The following HDAC4 variants were observed in gnomAD, a reference collection of about 807,000 sequenced individuals.
HDAC4 encodes histone deacetylase A.
HDAC4 carries 16 observed loss-of-function variants against 135.1 expected under a neutral mutation model. That is an observed-to-expected ratio of 0.12 (90% confidence interval 0.08 to 0.18). The LOEUF (loss-of-function observed/expected upper bound fraction) is 0.18. Ranked by LOEUF, HDAC4 falls within the 10% of genes least tolerant of loss-of-function variation. The pLI is 1.00. For missense variants in HDAC4, 1,143 were observed against 1,511.8 expected (o/e 0.76, Z 4.05); for synonymous variants, 685 against 653.4 (o/e 1.05, Z -0.74).
intron 1 of HDAC4, among the ~76,000 whole-genome samples, chr2:239,387,886 G>A (rs1184343646): frequency 2.0e-5 from 3 of 152,200 alleles, no homozygotes; most frequent in African/African-American, 4.8e-5. Flanking sequence ...TAAGGGGAGT[G>A]GAAGGCGTGG....
At chr2:239,269,091 G>T (rs2049906870) in intron 2 of HDAC4, among the ~76,000 whole-genome samples, 1 of 152,084 alleles carries the variant, frequency 6.6e-6, no homozygotes, top group African/African-American at 2.4e-5. Flanking sequence ...ACCAGCAGAT[G>T]GAAGCCATCC....
chr2:239,117,227 G>A (rs567310028), intron 12 of HDAC4, among the ~76,000 whole-genome samples: 2 of 152,224 alleles, frequency 1.3e-5, no homozygotes, highest in African/African-American at 4.8e-5. Context: ...GAGACGAGGT[G>A]GGGCTGTGGG....
chr2:239,130,168 A>C (rs1408269198), intron 11 of HDAC4, among the ~76,000 whole-genome samples: 2 of 152,176 alleles, frequency 1.3e-5, no homozygotes, highest in Non-Finnish European at 2.9e-5. Flanking sequence ...CGCCCAAGGG[A>C]ACAATGTGGG....
chr2:239,286,070 C>T (rs1322316240), intron 2 of HDAC4, among the ~76,000 whole-genome samples: 12 of 152,138 alleles, frequency 7.9e-5, no homozygotes, highest in Non-Finnish European at 1.5e-4. Context: ...AGAAATGGTA[C>T]GATTACTGTT....
intron 12 of HDAC4, among the ~76,000 whole-genome samples, chr2:239,120,288 G>A (rs759188279): frequency 8.5e-5 from 13 of 152,102 alleles, no homozygotes; most frequent in Non-Finnish European, 1.5e-4. Context: ...ACAGGGATGA[G>A]GCCTCAGGGA....
rs1341477763 is a variant in HDAC4, at chr2:239,289,666, G to A, written c.23-53002C>T. 8.5e-5 allele frequency among the ~76,000 whole-genome samples: 13 copies of A among 152,296 alleles called. No individual in the cohort carries two copies. In the East Asian group the frequency reaches 1.5e-3, roughly 18 times the overall value. On this transcript the variant is annotated intron_variant, in intron 2 of 26. Coordinates refer to ENST00000543185, the MANE Select transcript of HDAC4 (RefSeq NM_001378414.1). ...GCCCCTCAGCCACTGTGTTGGGCAC[G>A]CAGGGCCCCTCCCAGCCACCTGGCT...
intron 2 of HDAC4, among the ~76,000 whole-genome samples, chr2:239,330,854 A>G (rs1313004121): frequency 6.6e-6 from 1 of 152,218 alleles, no homozygotes; most frequent in Non-Finnish European, 1.5e-5. Flanking sequence ...TAAACGTGGT[A>G]TTTGTAACCC....
chr2:239,131,925 A>C (rs181324749), intron 11 of HDAC4, among the ~76,000 whole-genome samples: 81 of 152,206 alleles, frequency 5.3e-4, no homozygotes, highest in African/African-American at 1.8e-3. Flanking sequence ...CTTCAAGGAG[A>C]GTCCGGTGGA....
intron 2 of HDAC4, among the ~76,000 whole-genome samples, chr2:239,284,433 C>T (rs570198242): frequency 2.6e-5 from 4 of 152,246 alleles, no homozygotes; most frequent in South Asian, 4.2e-4. Flanking sequence ...CGCGGGGCCT[C>T]GGGGAGCATC....
At chr2:239,176,302 TG>T in intron 5 of HDAC4, 110 bp downstream of exon 5, 1 of 1,116,208 alleles carries the variant, frequency 9.0e-7, no homozygotes. Flanking sequence ...TCCCTCCCTC[TG>T]CCCGGCCTTC....
intron 2 of HDAC4, among the ~76,000 whole-genome samples, chr2:239,274,332 A>C (rs1423704874): frequency 6.6e-6 from 1 of 152,152 alleles, no homozygotes; most frequent in African/African-American, 2.4e-5. Flanking sequence ...CTAAGTTTCC[A>C]CGATTCCCTG....
intron 11 of HDAC4, among the ~76,000 whole-genome samples, chr2:239,128,374 C>T (rs1314016717): frequency 2.6e-5 from 4 of 151,920 alleles, no homozygotes; most frequent in Non-Finnish European, 5.9e-5. Flanking sequence ...ACTAAAAATA[C>T]AAAAATCAGC....
chr2:239,233,348 AC>A (rs754517856), intron 3 of HDAC4, among the ~76,000 whole-genome samples: 5 of 151,870 alleles, frequency 3.3e-5, no homozygotes, highest in African/African-American at 9.7e-5. Context: ...CAAATCCAAA[AC>A]TTTTTCACGG....
rs1293424345 is a variant in HDAC4 at position 239,075,710 on chromosome 2, A to G, written c.2750+5385T>C. On this transcript the variant is annotated intron_variant, in intron 22 of 26. Coordinates refer to ENST00000543185, the MANE Select transcript of HDAC4 (RefSeq NM_001378414.1). Reference sequence around the variant, plus strand: ...GTGGCCTCAATGTGGCTTCTCTGGCACCTTCGTTACCGACACAGCACTGCA... The same window carrying G: ...GTGGCCTCAATGTGGCTTCTCTGGCGCCTTCGTTACCGACACAGCACTGCA... Among the ~76,000 whole-genome samples, 8 of 152,188 alleles carry G rather than the reference A, an allele frequency of 5.3e-5. 1 individual carries two copies. Among genetic ancestry groups the G allele is most frequent in the Admixed American group, 3.9e-4 (6 of 15,284 alleles).
At chr2:239,284,892 G>C (rs761341074) in intron 2 of HDAC4, among the ~76,000 whole-genome samples, 1 of 152,210 alleles carries the variant, frequency 6.6e-6, no homozygotes, top group African/African-American at 2.4e-5. Flanking sequence ...GTTTTTTAAT[G>C]TAAGTAATTA....
chr2:239,205,573 G>A (rs779202096), intron 3 of HDAC4, among the ~76,000 whole-genome samples: 1 of 152,106 alleles, frequency 6.6e-6, no homozygotes, highest in Non-Finnish European at 1.5e-5. Flanking sequence ...CAACATGGAG[G>A]TGGGCAGAGA....
At chr2:239,391,557 G>C (rs1696214840) in intron 1 of HDAC4, among the ~76,000 whole-genome samples, 1 of 152,226 alleles carries the variant, frequency 6.6e-6, no homozygotes, top group Non-Finnish European at 1.5e-5. Context: ...GAGGAAAGCT[G>C]AGTCTCTGCG....
rs1312229886 is a variant in HDAC4, at chr2:239,144,690, C to G, written c.758G>C (p.Arg253Pro). The G allele has an allele frequency of 6.2e-7, 1 of 1,614,030 alleles. No homozygotes were observed. Among genetic ancestry groups the G allele is most frequent in the Non-Finnish European group, 8.5e-7 (1 of 1,180,040 alleles). ...GGCCACTTTCTGCTTTAGCCTGGAC[C>G]GTAATTTCAGATTCGGTTCAGAAGC... ...KTASEPNLKL[R>P]SRLKQKVAER... Residue 253 changes from arginine to proline, a missense_variant, in exon 8 of 27, where the codon CGG (arginine) becomes CCG (proline). By Grantham distance (103) the Arg-to-Pro change is moderately radical. Coordinates refer to ENST00000543185, the MANE Select transcript of HDAC4 (RefSeq NM_001378414.1).
rs559828228 is a variant in HDAC4 at position 239,300,196 on chromosome 2, A to G, written c.22+52482T>C. Among the ~76,000 whole-genome samples, 3 of 152,296 alleles carry G rather than the reference A, an allele frequency of 2.0e-5. No homozygotes were observed. In the South Asian group the frequency reaches 6.2e-4, roughly 32 times the overall value. On this transcript the variant is annotated intron_variant, in intron 2 of 26. Coordinates refer to ENST00000543185, the MANE Select transcript of HDAC4 (RefSeq NM_001378414.1). ...AACCTACTCCCATTCCAGTACAAGC[A>G]TCCCCTCTTTTTACCCCAACTGGGA...
Sources: allele counts gnomAD v4.1 joint callset (sites outside exome capture counted in the v4.1 genomes callset), GRCh38; gene constraint gnomAD v4.1.1; transcripts MANE v1.5; gene names NCBI Gene and HGNC (gene_info 2026-07-23, HGNC 2026-07-21).